The following ACOT7 variants were observed in gnomAD, a reference collection of about 807,000 sequenced individuals.
ACOT7 encodes the protein acyl-CoA thioesterase 7.
Under a neutral mutation model 40.2 loss-of-function variants are expected in ACOT7, and 12 were observed. The ratio of observed to expected loss-of-function variants is 0.30; its 90% CI spans 0.19 to 0.48. ACOT7 has a LOEUF of 0.48. Among genes scored for constraint, ACOT7 ranks in the 20% least tolerant of loss-of-function variants. The probability of loss-of-function intolerance (pLI) is 0.99; values close to 1 mark genes in which losing one functional copy is unlikely to be tolerated. For missense variants in ACOT7, 395 were observed against 530.8 expected (o/e 0.74, Z 2.51); for synonymous variants, 228 against 219.5 (o/e 1.04, Z -0.34).
chr1:6,328,009 C>T (rs749007904), intron 4 of ACOT7, among the ~76,000 whole-genome samples: 4 of 151,978 alleles, frequency 2.6e-5, no homozygotes, highest in South Asian at 2.1e-4. Flanking sequence ...CTTGACCTTG[C>T]GATCTGCCCG....
intron 8 of ACOT7, among the ~76,000 whole-genome samples, chr1:6,279,865 G>A (rs377081996): frequency 5.1e-4 from 78 of 152,270 alleles, no homozygotes; most frequent in African/African-American, 1.5e-3. Context: ...CCTCAGCCTC[G>A]ACTGGGAAAC....
intron 2 of ACOT7, among the ~76,000 whole-genome samples, chr1:6,343,835 G>C (rs981179592): frequency 1.1e-4 from 17 of 152,272 alleles, no homozygotes; most frequent in African/African-American, 3.9e-4. Flanking sequence ...CTTTTCCGGG[G>C]CAGAGGCCTT....
chr1:6,333,648 G>A, intron 3 of ACOT7, 80 bp from the exon 4 acceptor site: 2 of 1,402,046 alleles, frequency 1.4e-6, no homozygotes, highest in Non-Finnish European at 2.0e-6. Context: ...GGCAGGTGCT[G>A]CTCCAGCGCC....
intron 6 of ACOT7, among the ~76,000 whole-genome samples, chr1:6,303,289 C>T (rs1204661861): frequency 6.6e-6 from 1 of 152,016 alleles, no homozygotes; most frequent in Non-Finnish European, 1.5e-5. Flanking sequence ...TTGTAGGACC[C>T]GCCGTCCTTG....
chr1:6,392,036 C>G (rs1006334442), intron 1 of ACOT7, among the ~76,000 whole-genome samples: 1 of 151,882 alleles, frequency 6.6e-6, no homozygotes, highest in African/African-American at 2.4e-5. Context: ...CCCCCAAAGA[C>G]GTTCCCCCTC....
chr1:6,334,370 A>G (rs1192839685), intron 3 of ACOT7, among the ~76,000 whole-genome samples: 1 of 152,246 alleles, frequency 6.6e-6, no homozygotes, highest in African/African-American at 2.4e-5. Flanking sequence ...CCAGAAAGAC[A>G]CTTGGCCCAT....
In ACOT7 at chr1:6,306,808, G is replaced by C. The variant is rs529771982; in HGVS notation, c.712+11684C>G. On this transcript the variant is annotated intron_variant, in intron 6 of 8. Transcript: ENST00000361521. The surrounding 1 kb of genome is among the most constrained non-coding windows in gnomAD (Gnocchi z 4.3). ...TGTCCCACGTAGCAGTGGGGGCTCC[G>C]GCCAAACAAGGTCACGGAATTGGAA... The C allele has an allele frequency of 1.0e-5, 13 of 1,288,750 alleles. 1 individual carries two copies. Among genetic ancestry groups the C allele is most frequent in the Non-Finnish European group, 1.3e-5 (13 of 988,560 alleles). 79.8% of individuals were successfully genotyped at this position (1,288,750 alleles called of 1,614,324 possible).
chr1:6,346,553 C>T (rs60852761), intron 2 of ACOT7, among the ~76,000 whole-genome samples: 2,236 of 152,310 alleles, frequency 0.015, 44 homozygotes, highest in African/African-American at 0.05. Context: ...GTCCCCGAGC[C>T]GCGCTAGGCA....
intron 5 of ACOT7, among the ~76,000 whole-genome samples, chr1:6,323,854 T>C (rs1254194426): frequency 6.7e-6 from 1 of 149,408 alleles, no homozygotes; most frequent in Non-Finnish European, 1.5e-5. Context: ...AGGCCACCCC[T>C]GTGGAGGTTG....
intron 4 of ACOT7, among the ~76,000 whole-genome samples, chr1:6,331,149 C>T (rs1031160380): frequency 2.0e-5 from 3 of 152,134 alleles, no homozygotes; most frequent in Admixed American, 1.3e-4. Flanking sequence ...GAGAACAGCC[C>T]CACAAGAACA....
intron 1 of ACOT7, among the ~76,000 whole-genome samples, chr1:6,366,291 T>C (rs1204059060): frequency 1.3e-5 from 2 of 151,938 alleles, no homozygotes; most frequent in East Asian, 3.9e-4. Flanking sequence ...TTCCACAAAA[T>C]ATTTCTCTGG....
In ACOT7 at chr1:6,282,510, T is replaced by C. The variant is rs1429417414; in HGVS notation, c.830-1224A>G. On this transcript the variant is annotated intron_variant, in intron 7 of 8. Transcript: ENST00000361521. The surrounding 1 kb of genome is among the most constrained non-coding windows in gnomAD (Gnocchi z 4.5). ...GCTGGGACTTGCTCCCCAGGAAATA[T>C]ATCTGGCTTCGGGGACTTTTTAATG... 6.6e-6 allele frequency among the ~76,000 whole-genome samples: 1 copy of C among 152,024 alleles called. No individual in the cohort carries two copies. The highest frequency in any genetic ancestry group is 1.5e-5 in the Non-Finnish European group (1 of 68,000).
intron 6 of ACOT7, among the ~76,000 whole-genome samples, chr1:6,300,711 A>C: frequency 6.8e-6 from 1 of 146,430 alleles, no homozygotes; most frequent in Non-Finnish European, 1.5e-5. Flanking sequence ...CCCTCTCCAC[A>C]AACACGGAAT....
intron 6 of ACOT7, among the ~76,000 whole-genome samples, chr1:6,309,826 A>G (rs1401031704): frequency 6.6e-6 from 1 of 152,254 alleles, no homozygotes; most frequent in Non-Finnish European, 1.5e-5. Context: ...ATGGAGCAGA[A>G]CATTCTCTAT....
chr1:6,350,667 C>T (rs527307478), intron 1 of ACOT7, among the ~76,000 whole-genome samples: 7 of 152,370 alleles, frequency 4.6e-5, no homozygotes, highest in Middle Eastern at 3.4e-3. Flanking sequence ...GGCCTGGAGA[C>T]GAGTGACAGG....
In ACOT7 at chr1:6,311,545, T is replaced by A. The variant is rs1451709576; in HGVS notation, c.712+6947A>T. ...AATCTGCCCCTCAAGGTATCTCAACTCCCTCCGTCCCCAGCTATTGGGGTC... is the reference window on the plus strand; with the variant it reads ...AATCTGCCCCTCAAGGTATCTCAACACCCTCCGTCCCCAGCTATTGGGGTC... On this transcript the variant is annotated intron_variant, in intron 6 of 8. Coordinates refer to ENST00000361521, the MANE Select transcript of ACOT7 (RefSeq NM_007274.4). The surrounding 1 kb of genome is among the most constrained non-coding windows in gnomAD (Gnocchi z 5.2). Among the ~76,000 whole-genome samples the A allele has an allele frequency of 6.6e-6, 1 of 152,102 alleles. No homozygotes were observed. The highest frequency in any genetic ancestry group is 2.4e-5 in the African/African-American group (1 of 41,402).
At chr1:6,381,514 CA>C (rs879747200) in intron 1 of ACOT7, among the ~76,000 whole-genome samples, 1 of 149,082 alleles carries the variant, frequency 6.7e-6, no homozygotes, top group African/African-American at 2.5e-5. Context: ...TGGCAACTAT[CA>C]AAAAAAAACA....
In ACOT7 at chr1:6,393,505, C is replaced by T. The variant is rs920067624; in HGVS notation, c.-106G>A. 11 of 1,053,062 alleles carry T rather than the reference C, an allele frequency of 1.0e-5. No individual in the cohort carries two copies. Among genetic ancestry groups the T allele is most frequent in the Non-Finnish European group, 1.2e-5 (10 of 833,248 alleles). The allele number at this position is 1,053,062 out of a possible 1,614,324, so 65.2% of individuals were successfully genotyped here. ...GCGCCGACCCCGCCCCCGCGCCGGC[C>T]CCACCCCGAGCCCCGCCTCCCAGGC... On this transcript the variant is annotated 5_prime_UTR_variant, in exon 1 of 9. Coordinates refer to ENST00000361521, the MANE Select transcript of ACOT7 (RefSeq NM_007274.4).
At chr1:6,354,615 C>G (rs540389388) in intron 1 of ACOT7, among the ~76,000 whole-genome samples, 14 of 151,880 alleles carry the variant, frequency 9.2e-5, no homozygotes, top group African/African-American at 3.4e-4. Context: ...GGCCTCTGCA[C>G]TGGCCTCTCA....
Sources: gnomAD v4.1 joint callset for allele counts (sites outside exome capture counted in the v4.1 genomes callset) on GRCh38, gnomAD v4.1.1 for gene constraint, Gnocchi (gnomAD v3.1) non-coding constraint, MANE v1.5 for transcripts, NCBI Gene and HGNC (gene_info 2026-07-23, HGNC 2026-07-21) for gene names.